Variants in SLC22A23 observed in about 807,000 individuals in gnomAD.
SLC22A23 encodes the protein ion transporter protein.
A neutral mutation model predicts 61.0 loss-of-function variants in SLC22A23; 26 were observed. That is an observed-to-expected ratio of 0.43 (90% CI 0.31 to 0.59). The LOEUF is 0.59. Among genes scored for constraint, SLC22A23 ranks in the 20% least tolerant of loss-of-function variants. The pLI is 0.11. For missense variants in SLC22A23, 796 were observed against 934.7 expected (o/e 0.85, Z 1.94); for synonymous variants, 430 against 413.9 (o/e 1.04, Z -0.47).
intron 9 of SLC22A23, among the ~76,000 whole-genome samples, chr6:3,275,775 G>A (rs1181921071): frequency 6.6e-6 from 1 of 152,236 alleles, no homozygotes; most frequent in Non-Finnish European, 1.5e-5. Context: ...GTAGAGTCGG[G>A]GTTTCGCTGT....
intron 3 of SLC22A23, among the ~76,000 whole-genome samples, chr6:3,334,240 C>T (rs1561905322): frequency 6.6e-6 from 1 of 152,200 alleles, no homozygotes; most frequent in African/African-American, 2.4e-5. Flanking sequence ...TGGCTCATTG[C>T]AACCTCCACT....
At position 3,329,963 on chromosome 6, in the gene SLC22A23, C is replaced by G. The variant is rs565798408; in HGVS notation, c.914-5961G>C. On this transcript the variant is annotated intron_variant, in intron 3 of 9. Transcript: ENST00000406686. This position sits in a 1 kb window ranked among gnomAD's most constrained non-coding sequence, Gnocchi z 4.8. The stretch of plus-strand genomic sequence containing the variant: ...CAATTCCTGGAACAGGCCTGCGGAA[C>G]GAGAAATCCTTCCAGAGGCCACTGC... Among the ~76,000 whole-genome samples the G allele has an allele frequency of 6.6e-4, 100 of 152,350 alleles. 1 individual carries two copies. Among genetic ancestry groups the G allele is most frequent in the Non-Finnish European group, 1.1e-3 (77 of 68,034 alleles).
chr6:3,300,261 G>A (rs148071177), intron 4 of SLC22A23, among the ~76,000 whole-genome samples: 169 of 152,068 alleles, frequency 1.1e-3, no homozygotes, highest in African/African-American at 3.9e-3. Context: ...CGCCTGCCTC[G>A]GCCTCCCAAA....
chr6:3,416,537 T>C (rs1478168495), intron 1 of SLC22A23, among the ~76,000 whole-genome samples: 1 of 152,178 alleles, frequency 6.6e-6, no homozygotes, highest in East Asian at 1.9e-4. Flanking sequence ...ATAAGAAAAA[T>C]ACAAACAAAT....
intron 3 of SLC22A23, among the ~76,000 whole-genome samples, chr6:3,325,167 T>G (rs533502718): frequency 6.6e-6 from 1 of 152,232 alleles, no homozygotes; most frequent in East Asian, 1.9e-4. Context: ...AGAGAACACT[T>G]TTTATGCCTG....
chr6:3,338,188 G>T (rs189672128), intron 3 of SLC22A23, among the ~76,000 whole-genome samples: 71 of 152,296 alleles, frequency 4.7e-4, no homozygotes, highest in African/African-American at 1.4e-3. Context: ...ATCATGTATT[G>T]CTTTCTGTTA....
chr6:3,320,874 C>T (rs1217694409), intron 4 of SLC22A23, among the ~76,000 whole-genome samples: 1 of 152,112 alleles, frequency 6.6e-6, no homozygotes, highest in Admixed American at 6.6e-5. Flanking sequence ...ACTTATAGAG[C>T]AGACATGTAC....
chr6:3,282,088 C>T (rs1759521012), intron 9 of SLC22A23: 6 of 643,338 alleles, frequency 9.3e-6, no homozygotes, highest in Non-Finnish European at 1.7e-5. Flanking sequence ...GCCACCCCCT[C>T]CCCCAACAAA....
At chr6:3,301,839 A>G (rs940983234) in intron 4 of SLC22A23, among the ~76,000 whole-genome samples, 33 of 152,240 alleles carry the variant, frequency 2.2e-4, no homozygotes, top group African/African-American at 7.7e-4. Context: ...TGCTCACTAT[A>G]CACAGTTTTG....
chr6:3,271,949 T>C lies in SLC22A23; in HGVS notation c.*1106A>G, dbSNP rs1348786109. 3 of 152,448 alleles carry C rather than the reference T, an allele frequency of 2.0e-5. No homozygotes were observed. The allele number at this position is 152,448 out of a possible 1,614,324, so 9.4% of individuals were successfully genotyped here. On this transcript the variant is annotated 3_prime_UTR_variant, in exon 10 of 10. Transcript: ENST00000406686. ...TGCCCGAAGCCCCACCTCTGTGCTATGCGAGTGACTGCAAGCAGGAAGCTG... is the reference window on the plus strand; with the variant it reads ...TGCCCGAAGCCCCACCTCTGTGCTACGCGAGTGACTGCAAGCAGGAAGCTG...
At position 3,285,595 on chromosome 6, in the gene SLC22A23, T is replaced by C. The variant is rs573195068; in HGVS notation, c.1547-484A>G. ...GGGCTGAGGCACCCTGCCACTTCCG[T>C]CCCAACTGTGTGAGCAGGAGACTCC... On this transcript the variant is annotated intron_variant, in intron 7 of 9. Coordinates refer to ENST00000406686, the MANE Select transcript of SLC22A23 (RefSeq NM_015482.2). Among the ~76,000 whole-genome samples the C allele has an allele frequency of 4.5e-3, 490 of 109,644 alleles. 4 individuals are homozygous for C. Among genetic ancestry groups the C allele is most frequent in the Non-Finnish European group, 6.8e-3 (294 of 43,220 alleles). The allele number at this position is 109,644 out of a possible 152,430, so 71.9% of individuals were successfully genotyped here.
At chr6:3,281,192 A>G (rs1206133508) in intron 9 of SLC22A23, among the ~76,000 whole-genome samples, 1 of 152,208 alleles carries the variant, frequency 6.6e-6, no homozygotes, top group African/African-American at 2.4e-5. Flanking sequence ...GCCCATGTCA[A>G]GCTGGGAGAT....
At chr6:3,420,554 G>A (rs1482672479) in intron 1 of SLC22A23, among the ~76,000 whole-genome samples, 1 of 152,052 alleles carries the variant, frequency 6.6e-6, no homozygotes, top group Admixed American at 6.6e-5. Flanking sequence ...GAAAAACTAA[G>A]GGGGAAAAAC....
chr6:3,287,675 G>GTTTTTTTTTTTTT (rs11418179), intron 6 of SLC22A23, among the ~76,000 whole-genome samples: 1 of 136,886 alleles, frequency 7.3e-6, no homozygotes. Flanking sequence ...ACAGGAAACT[G>GTTTTTTTTTTTTT]TTTTTTTTTT....
intron 3 of SLC22A23, among the ~76,000 whole-genome samples, chr6:3,388,445 G>A (rs566638826): frequency 1.3e-5 from 2 of 152,310 alleles, no homozygotes; most frequent in Admixed American, 6.5e-5. Context: ...AACCCTTGTG[G>A]CCTGCTGGTG....
chr6:3,384,401 A>G (rs1343252517), intron 3 of SLC22A23, among the ~76,000 whole-genome samples: 1 of 152,254 alleles, frequency 6.6e-6, no homozygotes, highest in Non-Finnish European at 1.5e-5. Context: ...TGCTGTAAAT[A>G]CTTTATAAAT....
chr6:3,326,902 GT>G (rs1763311602), intron 3 of SLC22A23, among the ~76,000 whole-genome samples: 1 of 152,210 alleles, frequency 6.6e-6, no homozygotes, highest in Non-Finnish European at 1.5e-5. Flanking sequence ...TGACAAATCA[GT>G]TTTTTTGGAA....
At chr6:3,306,358 A>G (rs1404538299) in intron 4 of SLC22A23, among the ~76,000 whole-genome samples, 1 of 152,238 alleles carries the variant, frequency 6.6e-6, no homozygotes, top group Non-Finnish European at 1.5e-5. Context: ...CACCCAGGTA[A>G]GGGAAAAATA....
chr6:3,395,851 A>G (rs958937579), intron 3 of SLC22A23, among the ~76,000 whole-genome samples: 2 of 152,254 alleles, frequency 1.3e-5, no homozygotes, highest in Non-Finnish European at 2.9e-5. Flanking sequence ...GTTTCAGGAA[A>G]AGACTATTGT....
Sources: gnomAD v4.1 joint callset for allele counts (sites outside exome capture counted in the v4.1 genomes callset) on GRCh38, gnomAD v4.1.1 for gene constraint, Gnocchi (gnomAD v3.1) non-coding constraint, MANE v1.5 for transcripts, NCBI Gene and HGNC (gene_info 2026-07-23, HGNC 2026-07-21) for gene names.